CYREN: variants seen among roughly 807,000 people sequenced by gnomAD.
The protein encoded by CYREN is cell cycle regulator of non-homologous end joining.
A neutral mutation model predicts 9.7 loss-of-function variants in CYREN; 7 were observed. The ratio of observed to expected loss-of-function variants is 0.72; its 90% confidence interval spans 0.41 to 1.36. CYREN has a LOEUF of 1.36. CYREN is among the 40% of genes most tolerant of loss of function. The probability of loss-of-function intolerance (pLI) is 0.01; values close to 1 mark genes in which losing one functional copy is unlikely to be tolerated. For missense variants in CYREN, 215 were observed against 198.1 expected (o/e 1.09, Z -0.51); for synonymous variants, 76 against 77.9 (o/e 0.98, Z 0.13).
chr7:135,123,219 A>C (rs978579654), intron 2 of CYREN, among the ~76,000 whole-genome samples: 1 of 152,238 alleles, frequency 6.6e-6, no homozygotes, highest in Non-Finnish European at 1.5e-5. Context: ...GGTGGAGCTG[A>C]AAAACAGCAC....
At chr7:135,129,000 G>A in intron 2 of CYREN, 1 of 1,599,750 alleles carries the variant, frequency 6.3e-7, no homozygotes, top group Non-Finnish European at 8.6e-7. Context: ...GTACTGCAAA[G>A]ACTGTCTGAA....
intron 2 of CYREN, among the ~76,000 whole-genome samples, chr7:135,158,987 C>T (rs1390604729): frequency 6.6e-6 from 1 of 152,252 alleles, no homozygotes; most frequent in East Asian, 1.9e-4. Flanking sequence ...ATGTCAGGCC[C>T]AGGCCCTGGC....
chr7:135,125,331 C>T (rs1432938887), intron 2 of CYREN, among the ~76,000 whole-genome samples: 1 of 152,054 alleles, frequency 6.6e-6, no homozygotes, highest in Non-Finnish European at 1.5e-5. Flanking sequence ...CACACCCTCC[C>T]AAGACTAAAC....
chr7:135,114,238 G>A (rs925941170), intron 2 of CYREN, among the ~76,000 whole-genome samples: 9 of 152,018 alleles, frequency 5.9e-5, no homozygotes, highest in African/African-American at 1.7e-4. Context: ...TGGGTCATAT[G>A]GTAATCCTAT....
intron 2 of CYREN, chr7:135,152,803 G>T (rs911696613): frequency 7.2e-5 from 11 of 152,026 alleles, no homozygotes; most frequent in Admixed American, 4.6e-4. Flanking sequence ...ATTCTACTCC[G>T]CAAAATTTGC....
chr7:135,148,254 C>G (rs1019775393), intron 2 of CYREN: 4 of 378,560 alleles, frequency 1.1e-5, no homozygotes, highest in South Asian at 3.9e-5. Context: ...TTCCTGTGGT[C>G]TCTGCACCTC....
At chr7:135,145,849 T>A (rs1369631357) in intron 2 of CYREN, among the ~76,000 whole-genome samples, 1 of 152,170 alleles carries the variant, frequency 6.6e-6, no homozygotes, top group Non-Finnish European at 1.5e-5. Flanking sequence ...TCCCAGTGCA[T>A]ATAAAAGTCA....
intron 2 of CYREN, chr7:135,129,453 T>C (rs1402122574): frequency 9.0e-6 from 7 of 778,780 alleles, no homozygotes; most frequent in Non-Finnish European, 1.7e-5. Flanking sequence ...AAGTAAGGAG[T>C]GGCTAGAGAA....
chr7:135,129,348 C>T (rs4604376), intron 2 of CYREN: 517,936 of 1,018,082 alleles, frequency 0.51, 135,587 homozygotes, highest in South Asian at 0.66. Flanking sequence ...AATAGACTTA[C>T]TAAATGAATA....
downstream of CYREN, among the ~76,000 whole-genome samples, chr7:135,161,951 C>A (rs1829951482): frequency 6.6e-6 from 1 of 152,242 alleles, no homozygotes; most frequent in Non-Finnish European, 1.5e-5. The surrounding 1 kb of genome is among the most constrained non-coding windows in gnomAD (Gnocchi z 4.1). Context: ...GAGGCGGTGG[C>A]AGTGTGGACC....
chr7:135,163,721 G>A (rs1330525565), downstream of CYREN, among the ~76,000 whole-genome samples: 1 of 152,204 alleles, frequency 6.6e-6, no homozygotes, highest in African/African-American at 2.4e-5. Flanking sequence ...ATATGTATTA[G>A]TTTTTAAAGT....
At chr7:135,121,353 T>A (rs7384216) in intron 2 of CYREN, among the ~76,000 whole-genome samples, 8,267 of 152,258 alleles carry the variant, frequency 0.054, 301 homozygotes, top group Middle Eastern at 0.18. Flanking sequence ...TATAAATATC[T>A]AACTGACATT....
intron 2 of CYREN, among the ~76,000 whole-genome samples, chr7:135,106,123 A>AGCTTTTG (rs1824676804): frequency 6.6e-6 from 1 of 152,166 alleles, no homozygotes; most frequent in Non-Finnish European, 1.5e-5. Flanking sequence ...TGTCAGCTGA[A>AGCTTTTG]GGAGCTTTTG....
chr7:135,155,529 G>A (rs889567039), intron 2 of CYREN, among the ~76,000 whole-genome samples: 2 of 152,062 alleles, frequency 1.3e-5, no homozygotes, highest in Non-Finnish European at 2.9e-5. Context: ...TTTTTGTGAT[G>A]GTGAATATCA....
chr7:135,166,474 T>C lies in CYREN; in HGVS notation c.*137A>G, dbSNP rs1210629356. The C allele has an allele frequency of 7.1e-7, 1 of 1,400,366 alleles. No homozygotes were observed. The highest frequency in any genetic ancestry group is 1.4e-5 in the African/African-American group (1 of 69,760). The allele number at this position is 1,400,366 out of a possible 1,614,324, so 86.7% of individuals were successfully genotyped here. A position where few individuals can be genotyped will look rare whatever the true frequency, so the allele number is the denominator to read the frequency against. ...CCAGGGGCTTCTGGCCTGAGGTGAA[T>C]CTGCCAGGCCCAAGAAGGCACAAAG... On this transcript the variant is annotated 3_prime_UTR_variant, in exon 4 of 4. Transcript: ENST00000393114.
intron 2 of CYREN, among the ~76,000 whole-genome samples, chr7:135,132,750 A>G (rs779019202): frequency 1.3e-5 from 2 of 152,180 alleles, no homozygotes; most frequent in Non-Finnish European, 2.9e-5. Flanking sequence ...CATGTAAGAC[A>G]TGACTTTGCT....
chr7:135,134,839 A>G (rs530876622), intron 2 of CYREN: 2 of 1,548,672 alleles, frequency 1.3e-6, no homozygotes, highest in African/African-American at 2.7e-5. Flanking sequence ...TTTCTTTTCT[A>G]GACTAAATCC....
At chr7:135,168,609 A>T in intron 2 of CYREN, 177 bp downstream of exon 2, 2 of 964,044 alleles carry the variant, frequency 2.1e-6, no homozygotes, top group Non-Finnish European at 3.0e-6. Context: ...CTCGAGGGTT[A>T]ACCCGCTTTG....
chr7:135,112,223 G>C (rs1001416460), intron 2 of CYREN, among the ~76,000 whole-genome samples: 9 of 152,090 alleles, frequency 5.9e-5, no homozygotes, highest in African/African-American at 2.2e-4. Context: ...TTGTCTCCCT[G>C]CCTTGTGTTT....
Sources: allele counts gnomAD v4.1 joint callset (sites outside exome capture counted in the v4.1 genomes callset), GRCh38; gene constraint gnomAD v4.1.1; non-coding constraint Gnocchi (gnomAD v3.1); transcripts MANE v1.5; gene names NCBI Gene and HGNC (gene_info 2026-07-23, HGNC 2026-07-21).